HK1: variants seen among roughly 807,000 people sequenced by gnomAD.
The protein encoded by HK1 is hexokinase 1.
In HK1, 28 loss-of-function variants were observed where a neutral mutation model predicts 91.6. The ratio of observed to expected loss-of-function variants is 0.31; its 90% CI spans 0.23 to 0.42. HK1 has a LOEUF of 0.42. Among genes scored for constraint, HK1 ranks in the 10% least tolerant of loss-of-function variants. The pLI, the probability that HK1 is intolerant of heterozygous loss-of-function variation, is 1.00. For synonymous variants in HK1, 430 were observed against 468.1 expected (o/e 0.92, Z 1.05); for missense variants, 770 against 1,219.8 (o/e 0.63, Z 5.49).
At chr10:69,318,162 C>A (rs1346187315), upstream of HK1, 7 of 985,316 alleles carry the variant, frequency 7.1e-6, no homozygotes, top group African/African-American at 1.2e-4. Context: ...TTGGGTTCAG[C>A]AATACAAATC....
chr10:69,331,432 T>G (rs1354311422), intron 1 of HK1, among the ~76,000 whole-genome samples: 2 of 152,254 alleles, frequency 1.3e-5, no homozygotes, highest in African/African-American at 4.8e-5. Flanking sequence ...TGGGGCTGTG[T>G]GTCCAGAATA....
chr10:69,320,908 C>T (rs1846984070), intron 1 of HK1, among the ~76,000 whole-genome samples: 1 of 152,158 alleles, frequency 6.6e-6, no homozygotes, highest in South Asian at 2.1e-4. Flanking sequence ...TATGGATGCA[C>T]AGTCTATCTC....
In HK1 at chr10:69,401,228, G is replaced by A; in HGVS notation, c.*93G>A. On this transcript the variant is annotated 3_prime_UTR_variant, in exon 18 of 18. Coordinates refer to ENST00000359426, the MANE Select transcript of HK1 (RefSeq NM_000188.3). ...CCAGCGAGTTGCGCTGGGAGACGCT[G>A]GCGCCAGGGCCTGCCGGCGCGGGGA... 6.8e-7 allele frequency: 1 copy of A among 1,469,954 alleles called. No homozygotes were observed. Among genetic ancestry groups the A allele is most frequent in the Non-Finnish European group, 9.3e-7 (1 of 1,080,978 alleles). The allele number at this position is 1,469,954 out of a possible 1,614,324, so 91.1% of individuals were successfully genotyped here. A position where few individuals can be genotyped will look rare whatever the true frequency, so the allele number is the denominator to read the frequency against.
At chr10:69,343,254 A>G (rs1166966911) in intron 1 of HK1, among the ~76,000 whole-genome samples, 2 of 152,220 alleles carry the variant, frequency 1.3e-5, no homozygotes, top group African/African-American at 4.8e-5. Context: ...TCATGTTAAT[A>G]ATAATAGCTG....
intron 5 of HK1, among the ~76,000 whole-genome samples, chr10:69,302,800 T>G (rs1402169787): frequency 2.6e-5 from 4 of 151,818 alleles, no homozygotes; most frequent in Non-Finnish European, 4.4e-5. Flanking sequence ...TTGTTTGCTT[T>G]GTTTGTTTGT....
chr10:69,289,080 T>C (rs552194234), intron 3 of HK1, among the ~76,000 whole-genome samples: 1 of 152,250 alleles, frequency 6.6e-6, no homozygotes, highest in African/African-American at 2.4e-5. Flanking sequence ...CTGGTGTTTC[T>C]TTAGCTTCTC....
In HK1 at chr10:69,285,698, C is replaced by T. The variant is rs144326381; in HGVS notation, c.-214-2973C>T. Among the ~76,000 whole-genome samples the T allele has an allele frequency of 3.8e-3, 576 of 152,126 alleles. 3 individuals are homozygous for T. The highest frequency in any genetic ancestry group is 0.013 in the African/African-American group (559 of 41,486). On this transcript the variant is annotated intron_variant, in intron 2 of 21. Transcript: ENST00000360289. ...GGGCACAGTTCTGCGGCGACATGTG[C>T]GAGTACCAGAGAGAGGGCCAGTTAC...
intron 10 of HK1, among the ~76,000 whole-genome samples, chr10:69,383,925 T>C (rs927290700): frequency 1.3e-5 from 2 of 152,246 alleles, no homozygotes; most frequent in Admixed American, 1.3e-4. Context: ...GGAGGAGAAA[T>C]TGACTCCATG....
chr10:69,384,846 GA>G lies in HK1; in HGVS notation c.1771del (p.Ile591SerfsTer26). On this transcript the variant is annotated frameshift_variant, in exon 12 of 18. Coordinates refer to ENST00000359426, the MANE Select transcript of HK1 (RefSeq NM_000188.3). LOFTEE classifies it high-confidence loss of function. ...TCTCTGACTTCTTGGACTACATGGG[GA>G]TCAAAGGCCCCAGGATGCCTCTGGG... The part of the protein sequence containing the change: ...CISDFLDYMG[I>X]KGPRMPLGFT... The G allele has an allele frequency of 6.2e-7, 1 of 1,614,150 alleles. No individual in the cohort carries two copies.
chr10:69,364,149 G>A lies in HK1; in HGVS notation c.376-634G>A, dbSNP rs1038152359. 1.7e-4 allele frequency among the ~76,000 whole-genome samples: 26 copies of A among 152,184 alleles called. 1 individual carries two copies. Among genetic ancestry groups the A allele is most frequent in the Admixed American group, 1.7e-3 (26 of 15,278 alleles). The stretch of plus-strand genomic sequence containing the variant: ...GGTAGTGACTGCAGGGGCAGAAGGG[G>A]GCATATTACAGGTGTTTCTCCATCT... On this transcript the variant is annotated intron_variant, in intron 3 of 17. Coordinates refer to ENST00000359426, the MANE Select transcript of HK1 (RefSeq NM_000188.3).
At chr10:69,373,014 C>T (rs902558645) in intron 7 of HK1, among the ~76,000 whole-genome samples, 4 of 152,276 alleles carry the variant, frequency 2.6e-5, no homozygotes, top group African/African-American at 9.6e-5. Context: ...GGATTACAGG[C>T]GTCTGCTGCC....
chr10:69,314,733 T>C (rs539206560), upstream of HK1, among the ~76,000 whole-genome samples: 1 of 152,290 alleles, frequency 6.6e-6, no homozygotes, highest in East Asian at 1.9e-4. Flanking sequence ...AGTGGCACAA[T>C]CTTGGCTCAC....
chr10:69,322,092 G>A (rs1180221912), intron 1 of HK1, among the ~76,000 whole-genome samples: 2 of 152,218 alleles, frequency 1.3e-5, no homozygotes, highest in African/African-American at 4.8e-5. Context: ...TTGGAGCAGG[G>A]TGAAGGATTG....
At chr10:69,371,386 A>G (rs1481871946) in intron 7 of HK1, among the ~76,000 whole-genome samples, 1 of 121,900 alleles carries the variant, frequency 8.2e-6, no homozygotes, top group Non-Finnish European at 1.6e-5. Context: ...GCCTATTTGT[A>G]TGTTTCACTG....
At chr10:69,393,975 A>T (rs942101533) in intron 15 of HK1, among the ~76,000 whole-genome samples, 1 of 152,244 alleles carries the variant, frequency 6.6e-6, no homozygotes, top group African/African-American at 2.4e-5. Flanking sequence ...GGTTAAGGAC[A>T]TGTCAGCACC....
At chr10:69,379,758 C>T in intron 8 of HK1, 104 bp from the exon 9 acceptor site, 2 of 850,752 alleles carry the variant, frequency 2.4e-6, no homozygotes, top group South Asian at 2.7e-5. Flanking sequence ...TACCATCCCA[C>T]ACATGGTAAG....
chr10:69,355,068 C>CAAAAAAAA (rs775908068), intron 2 of HK1, among the ~76,000 whole-genome samples: 1 of 85,232 alleles, frequency 1.2e-5, no homozygotes, highest in Non-Finnish European at 2.3e-5. Flanking sequence ...GACTCCCTCT[C>CAAAAAAAA]AAAAAAAAAA....
At chr10:69,300,757 C>G (rs1845820620) in intron 4 of HK1, 2 of 1,498,780 alleles carry the variant, frequency 1.3e-6, no homozygotes, top group South Asian at 2.3e-5. Context: ...TGGTGTTTGT[C>G]TCTCTTTTCA....
At chr10:69,364,676 G>T in intron 3 of HK1, 107 bp from the exon 4 acceptor site, 1 of 1,377,008 alleles carries the variant, frequency 7.3e-7, no homozygotes, top group Non-Finnish European at 1.0e-6. Flanking sequence ...CACTTTGTTT[G>T]GGTAGATGTA....
Sources: allele counts gnomAD v4.1 joint callset (sites outside exome capture counted in the v4.1 genomes callset), GRCh38; gene constraint gnomAD v4.1.1; transcripts MANE v1.5; gene names NCBI Gene and HGNC (gene_info 2026-07-23, HGNC 2026-07-21).